The following TTC39C variants were observed in gnomAD, a reference collection of about 807,000 sequenced individuals.
TTC39C encodes tetratricopeptide repeat protein 39C.
Under a neutral mutation model 76.3 loss-of-function variants are expected in TTC39C, and 33 were observed. The ratio of observed to expected loss-of-function variants is 0.43; its 90% CI spans 0.33 to 0.58. The LOEUF is 0.58. TTC39C is among the 20% of genes least tolerant of loss of function. The probability of loss-of-function intolerance (pLI) is 0.04; values close to 1 mark genes in which losing one functional copy is unlikely to be tolerated. For missense variants in TTC39C, 595 were observed against 701.4 expected, an observed-to-expected ratio of 0.85 and a Z score of 1.71; for synonymous variants, 254 against 260.6, an observed-to-expected ratio of 0.97 and a Z score of 0.24.
rs1389478649 is a variant in TTC39C at position 24,132,481 on chromosome 18, A to G, written c.1663-4A>G. 1 of 1,613,686 alleles carries G rather than the reference A, an allele frequency of 6.2e-7. No homozygotes were observed. The highest frequency in any genetic ancestry group is 8.5e-7 in the Non-Finnish European group (1 of 1,179,730). ...TGCATAAATATCTTTCTTTGATCTT[A>G]CAGGAGGATTTCTCTGGCTACGACT... On this transcript the variant is annotated splice_region_variant and splice_polypyrimidine_tract_variant and intron_variant, in intron 13 of 13. Coordinates refer to ENST00000317571, the MANE Select transcript of TTC39C (RefSeq NM_001135993.2).
Position 24,064,181 on chromosome 18 carries a change from G to A in TTC39C, c.209G>A (p.Ser70Asn). ...ATGAGTTTTGGAGCCAGCTTTGTCAGTTTTTTGGTAAGTTGATATCTTAAG... is the reference window on the plus strand; with the variant it reads ...ATGAGTTTTGGAGCCAGCTTTGTCAATTTTTTGGTAAGTTGATATCTTAAG... Reference protein sequence around the residue: ...PLMSFGASFVSFLNAMMTFEE... With the variant: ...PLMSFGASFVNFLNAMMTFEE... The change falls in exon 2 of 14, where the codon AGT becomes AAT. Residue 70 changes from serine (S) to asparagine (N), a missense_variant. Physicochemically the swap from Ser to Asn is conservative, Grantham distance 46. Transcript: ENST00000317571. 6.2e-7 allele frequency: 1 copy of A among 1,613,640 alleles called. No homozygotes were observed. Among genetic ancestry groups the A allele is most frequent in the Non-Finnish European group, 8.5e-7 (1 of 1,179,870 alleles).
At chr18:24,029,147 G>C (rs1222678374) in intron 1 of TTC39C, among the ~76,000 whole-genome samples, 1 of 151,820 alleles carries the variant, frequency 6.6e-6, no homozygotes, top group East Asian at 1.9e-4. Context: ...CTGTTGCCCA[G>C]GCTGGAGTGC....
chr18:24,043,142 T>C (rs1290051842), intron 1 of TTC39C, among the ~76,000 whole-genome samples: 2 of 152,172 alleles, frequency 1.3e-5, no homozygotes, highest in Non-Finnish European at 2.9e-5. Flanking sequence ...ATGTAATTCG[T>C]AGAAGTAGCT....
intron 6 of TTC39C, among the ~76,000 whole-genome samples, chr18:24,101,547 G>C: frequency 9.9e-6 from 1 of 101,384 alleles, no homozygotes; most frequent in African/African-American, 3.6e-5. Context: ...GACAGAGCGA[G>C]ACTCCGTCTC....
intron 1 of TTC39C, among the ~76,000 whole-genome samples, chr18:24,060,136 A>G (rs112949550): frequency 0.011 from 1,735 of 152,248 alleles, 36 homozygotes; most frequent in African/African-American, 0.04. Context: ...TAGGTCTTTG[A>G]GGAATTGCCA....
intron 6 of TTC39C, among the ~76,000 whole-genome samples, chr18:24,091,539 A>T (rs1336305660): frequency 6.6e-6 from 1 of 152,214 alleles, no homozygotes; most frequent in African/African-American, 2.4e-5. Flanking sequence ...TAAATGTAAG[A>T]TCTAAAACTG....
chr18:24,105,055 A>G (rs2084729705), intron 6 of TTC39C, among the ~76,000 whole-genome samples: 1 of 152,042 alleles, frequency 6.6e-6, no homozygotes, highest in South Asian at 2.1e-4. Context: ...AGCAAAGTTC[A>G]AAAAAAGAAA....
chr18:24,123,316 G>A (rs1407784306), intron 8 of TTC39C, among the ~76,000 whole-genome samples: 1 of 152,206 alleles, frequency 6.6e-6, no homozygotes, highest in African/African-American at 2.4e-5. Context: ...AAAAGCTCTG[G>A]GAACACAGGA....
intron 6 of TTC39C, among the ~76,000 whole-genome samples, chr18:24,093,208 A>G (rs941568141): frequency 2.6e-5 from 4 of 152,220 alleles, no homozygotes; most frequent in African/African-American, 4.8e-5. Context: ...GGCCGGGTGC[A>G]GTGGCTCACG....
At chr18:24,032,938 T>A (rs1421267042) in intron 1 of TTC39C, among the ~76,000 whole-genome samples, 1 of 152,236 alleles carries the variant, frequency 6.6e-6, no homozygotes, top group Non-Finnish European at 1.5e-5. Context: ...AGCTTTAGAA[T>A]CCATATTAAC....
At chr18:24,089,122 T>G (rs2084484268) in intron 6 of TTC39C, among the ~76,000 whole-genome samples, 1 of 152,310 alleles carries the variant, frequency 6.6e-6, no homozygotes, top group South Asian at 2.1e-4. Context: ...ATTTATCAGA[T>G]AGAAGAAAGA....
At chr18:24,104,214 G>A (rs889480284) in intron 6 of TTC39C, among the ~76,000 whole-genome samples, 3 of 152,156 alleles carry the variant, frequency 2.0e-5, no homozygotes, top group Non-Finnish European at 4.4e-5. Flanking sequence ...TTATAGGCAT[G>A]AGCTACCGCA....
chr18:24,105,025 T>C (rs2084729342), intron 6 of TTC39C, among the ~76,000 whole-genome samples: 1 of 151,964 alleles, frequency 6.6e-6, no homozygotes, highest in South Asian at 2.1e-4. Context: ...AATAAACTTC[T>C]GTATTGTAAA....
rs527736442 is a variant in TTC39C at position 24,112,468 on chromosome 18, A to G, written c.985-2086A>G. Among the ~76,000 whole-genome samples, 13 of 152,328 alleles carry G rather than the reference A, an allele frequency of 8.5e-5. No individual in the cohort carries two copies. In the South Asian group the frequency reaches 2.7e-3, roughly 32 times the overall value. On this transcript the variant is annotated intron_variant, in intron 6 of 13. Transcript: ENST00000317571. ...TCATCCGCAAATGGAATTAATACAT[A>G]CCTACCTCAGAGAGTTTGAAAGGGT...
At chr18:24,065,699 G>A (rs1183167734) in intron 2 of TTC39C, among the ~76,000 whole-genome samples, 1 of 152,166 alleles carries the variant, frequency 6.6e-6, no homozygotes, top group East Asian at 1.9e-4. Flanking sequence ...AAACTGAATT[G>A]AGCAGACCAG....
chr18:24,023,998 A>T (rs1348662088), intron 1 of TTC39C, among the ~76,000 whole-genome samples: 92 of 3,878 alleles, frequency 0.024, 11 homozygotes, highest in South Asian at 0.078. Flanking sequence ...ATATATATAT[A>T]TATATATATA....
chr18:24,028,935 C>T (rs2083632093), intron 1 of TTC39C, among the ~76,000 whole-genome samples: 1 of 151,990 alleles, frequency 6.6e-6, no homozygotes, highest in Non-Finnish European at 1.5e-5. Context: ...ATTGATCAGG[C>T]TAGTCTCGAA....
Position 24,131,910 on chromosome 18 carries a change from T to C in TTC39C, c.1652T>C (p.Leu551Pro). The change falls in exon 13 of 14, where the codon CTT becomes CCT. Residue 551 changes from leucine (L) to proline (P), a missense_variant. Leu to Pro is a moderately conservative substitution (Grantham distance 98). Transcript: ENST00000317571. ...GTAGGAAGAGGCAGAGCTCTACTTCTTCAAGCAAAGGTAAATATCCTGAAT... is the reference window on the plus strand; with the variant it reads ...GTAGGAAGAGGCAGAGCTCTACTTCCTCAAGCAAAGGTAAATATCCTGAAT... ...ETVGRGRALLLQAKEDFSGYD... is the reference protein window; with the variant it reads ...ETVGRGRALLPQAKEDFSGYD... The C allele has an allele frequency of 6.2e-7, 1 of 1,613,474 alleles. No homozygotes were observed. Among genetic ancestry groups the C allele is most frequent in the Non-Finnish European group, 8.5e-7 (1 of 1,179,772 alleles).
At chr18:24,067,889 G>A (rs1176528226) in intron 3 of TTC39C, among the ~76,000 whole-genome samples, 1 of 152,056 alleles carries the variant, frequency 6.6e-6, no homozygotes, top group Admixed American at 6.6e-5. Context: ...CGTTTCCTCT[G>A]CCTGGAACAT....
Sources: allele counts gnomAD v4.1 joint callset (sites outside exome capture counted in the v4.1 genomes callset), GRCh38; gene constraint gnomAD v4.1.1; transcripts MANE v1.5; gene names NCBI Gene and HGNC (gene_info 2026-07-23, HGNC 2026-07-21).